The following TRAPPC9 variants were observed in gnomAD, a reference collection of about 807,000 sequenced individuals.
The protein encoded by TRAPPC9 is trafficking protein particle complex subunit 9.
TRAPPC9 carries 83 observed loss-of-function variants against 124.0 expected under a neutral mutation model. The ratio of observed to expected loss-of-function variants is 0.67; its 90% confidence interval spans 0.56 to 0.80. TRAPPC9 has a LOEUF of 0.80. TRAPPC9 is among the 30% of genes least tolerant of loss of function. TRAPPC9 has a pLI of 0.00. For missense variants in TRAPPC9, 1,302 were observed against 1,508.3 expected, an observed-to-expected ratio of 0.86 and a Z score of 2.27; for synonymous variants, 638 against 617.5, an observed-to-expected ratio of 1.03 and a Z score of -0.49.
intron 19 of TRAPPC9, among the ~76,000 whole-genome samples, chr8:139,977,106 C>G (rs1836526105): frequency 6.6e-6 from 1 of 152,078 alleles, no homozygotes; most frequent in Admixed American, 6.5e-5. Flanking sequence ...AAACCTCAAG[C>G]AGTAAAGCAC....
At position 139,774,081 on chromosome 8, in the gene TRAPPC9, G is replaced by C. The variant is rs1821175747; in HGVS notation, c.3056-41879C>G. Reference sequence around the variant, plus strand: ...AGGCTGCTGAGAGCGCAGTGGGAGAGAGACAAGCTCCCCAGGCCACATGGA... The same window carrying C: ...AGGCTGCTGAGAGCGCAGTGGGAGACAGACAAGCTCCCCAGGCCACATGGA... On this transcript the variant is annotated intron_variant, in intron 21 of 22. Transcript: ENST00000438773. 2.0e-5 allele frequency among the ~76,000 whole-genome samples: 3 copies of C among 152,222 alleles called. No homozygotes were observed. In the South Asian group the frequency reaches 6.2e-4, roughly 31 times the overall value.
At chr8:140,109,878 C>T (rs2060732139) in intron 17 of TRAPPC9, among the ~76,000 whole-genome samples, 1 of 152,204 alleles carries the variant, frequency 6.6e-6, no homozygotes, top group Non-Finnish European at 1.5e-5. Context: ...TGAGGAAGGT[C>T]AACAGAGGCT....
chr8:140,096,323 T>C (rs2130275049), intron 17 of TRAPPC9: 1 of 152,384 alleles, frequency 6.6e-6, no homozygotes, highest in East Asian at 1.9e-4. Flanking sequence ...GATTTTACTC[T>C]GAGCAGCTAG....
intron 21 of TRAPPC9, among the ~76,000 whole-genome samples, chr8:139,764,020 G>A (rs2130379932): frequency 6.6e-6 from 1 of 152,348 alleles, no homozygotes; most frequent in African/African-American, 2.4e-5. Context: ...CTGCCGATGG[G>A]GGGTTGTGAC....
At chr8:140,010,732 G>A (rs1330264300) in intron 18 of TRAPPC9, among the ~76,000 whole-genome samples, 1 of 152,174 alleles carries the variant, frequency 6.6e-6, no homozygotes, top group African/African-American at 2.4e-5. Context: ...CACATGCTCA[G>A]GAGGGTAAAT....
chr8:139,910,080 C>CTTTCTTAGA, intron 20 of TRAPPC9, 67 bp downstream of exon 20: 1 of 1,586,274 alleles, frequency 6.3e-7, no homozygotes, highest in East Asian at 2.2e-5. Flanking sequence ...CCTCACGGGT[C>CTTTCTTAGA]TTTCTTAGAG....
chr8:140,176,175 T>C (rs1478115409), intron 17 of TRAPPC9, among the ~76,000 whole-genome samples: 1 of 152,214 alleles, frequency 6.6e-6, no homozygotes, highest in Non-Finnish European at 1.5e-5. Flanking sequence ...TGAGAAATAA[T>C]TAATATGAAC....
chr8:140,107,104 C>T (rs934673334), intron 17 of TRAPPC9, among the ~76,000 whole-genome samples: 1 of 152,082 alleles, frequency 6.6e-6, no homozygotes, highest in Non-Finnish European at 1.5e-5. Flanking sequence ...TCAAAGAAGT[C>T]CTTGGCCAAA....
At chr8:139,905,908 C>A (rs917262969) in intron 20 of TRAPPC9, among the ~76,000 whole-genome samples, 1 of 151,910 alleles carries the variant, frequency 6.6e-6, no homozygotes, top group Non-Finnish European at 1.5e-5. Flanking sequence ...TTATGGCCAA[C>A]ATGGTGAAAC....
intron 17 of TRAPPC9, among the ~76,000 whole-genome samples, chr8:140,172,476 GCAATGGAGGGGGGTTAAACTACCTCTGGA>G (rs2061986147): frequency 4.0e-5 from 3 of 75,444 alleles, no homozygotes; most frequent in East Asian, 4.7e-4. Flanking sequence ...CTACCTCTGG[GCAATGGAGGGGGGTTAAACTACCTCTGGA>G]CAATGGAGGG....
At chr8:140,438,189 C>T (rs1395801321) in intron 3 of TRAPPC9, among the ~76,000 whole-genome samples, 1 of 152,138 alleles carries the variant, frequency 6.6e-6, no homozygotes, top group Non-Finnish European at 1.5e-5. Flanking sequence ...CCCCTAGAAC[C>T]AGTTGTCTAC....
chr8:140,027,761 T>C (rs1287623150), intron 17 of TRAPPC9, among the ~76,000 whole-genome samples: 4 of 151,812 alleles, frequency 2.6e-5, no homozygotes, highest in South Asian at 2.1e-4. Flanking sequence ...CCTCAGGAAA[T>C]GTAGAATCAT....
chr8:140,256,698 C>T (rs1006676687), intron 15 of TRAPPC9, among the ~76,000 whole-genome samples: 8 of 152,158 alleles, frequency 5.3e-5, no homozygotes, highest in Admixed American at 2.6e-4. Flanking sequence ...AAACTACAGG[C>T]CTGGGTTCAA....
intron 19 of TRAPPC9, among the ~76,000 whole-genome samples, chr8:139,983,857 GACGGGGTTCC>G (rs1360064608): frequency 6.6e-6 from 1 of 152,208 alleles, no homozygotes; most frequent in East Asian, 1.9e-4. Flanking sequence ...ATGTCAGACA[GACGGGGTTCC>G]ACAAAGTGGC....
At chr8:140,197,650 G>C (rs1211339827) in intron 17 of TRAPPC9, among the ~76,000 whole-genome samples, 1 of 152,052 alleles carries the variant, frequency 6.6e-6, no homozygotes, top group East Asian at 1.9e-4. Flanking sequence ...TTGACATTTG[G>C]GCCACAATCC....
chr8:140,018,324 A>ATTTTTTCTTTTTTCTTTTTTTTTTTTCT (rs765656679), intron 18 of TRAPPC9, among the ~76,000 whole-genome samples: 1 of 119,778 alleles, frequency 8.3e-6, no homozygotes, highest in African/African-American at 3.3e-5. Context: ...AACGTAAGTG[A>ATTTTTTCTTTTTTCTTTTTTTTTTTTCT]TTTTTTTTTT....
At chr8:140,281,617 G>A (rs1173106899) in intron 14 of TRAPPC9, among the ~76,000 whole-genome samples, 1 of 152,132 alleles carries the variant, frequency 6.6e-6, no homozygotes, top group African/African-American at 2.4e-5. Flanking sequence ...AGTCCAATCT[G>A]TCAACGTTTT....
At chr8:139,739,653 A>T (rs10093271) in intron 21 of TRAPPC9, among the ~76,000 whole-genome samples, 1 of 152,172 alleles carries the variant, frequency 6.6e-6, no homozygotes, top group East Asian at 1.9e-4. Context: ...GTTGTCCCTG[A>T]CCACACAGTA....
intron 21 of TRAPPC9, among the ~76,000 whole-genome samples, chr8:139,770,902 G>A (rs1016568433): frequency 2.0e-5 from 3 of 152,082 alleles, no homozygotes; most frequent in African/African-American, 7.2e-5. Flanking sequence ...GGGCCTGGCG[G>A]GCGTAGGGAA....
Sources: allele counts gnomAD v4.1 joint callset (sites outside exome capture counted in the v4.1 genomes callset), GRCh38; gene constraint gnomAD v4.1.1; transcripts MANE v1.5; gene names NCBI Gene and HGNC (gene_info 2026-07-23, HGNC 2026-07-21).